Variants in HELZ2 observed in about 807,000 individuals in gnomAD.
HELZ2 encodes the protein helicase with zinc finger 2.
Under a neutral mutation model 208.8 loss-of-function variants are expected in HELZ2, and 143 were observed. That is an observed-to-expected ratio of 0.68 (90% CI 0.60 to 0.79). HELZ2 has a LOEUF of 0.79. Among genes scored for constraint, HELZ2 ranks in the 30% least tolerant of loss-of-function variants. HELZ2 has a pLI of 0.00. For synonymous variants in HELZ2, 1,705 were observed against 1,693.7 expected (o/e 1.01, Z -0.16); for missense variants, 3,690 against 3,794.5 (o/e 0.97, Z 0.72).
Position 63,560,097 on chromosome 20 carries a change from T to C in HELZ2, c.7658-2A>G, listed in dbSNP as rs1208173534. On this transcript the variant is annotated splice_acceptor_variant, in intron 17 of 18. Transcript: ENST00000467148. LOFTEE classifies it high-confidence loss of function. Reference sequence around the variant, plus strand: ...CCAGCACATAGCGCCACTCGCTCCCTGCGGGATGGGAGGTGAGGCCCTGCT... The same window carrying C: ...CCAGCACATAGCGCCACTCGCTCCCCGCGGGATGGGAGGTGAGGCCCTGCT... The C allele has an allele frequency of 1.9e-6, 3 of 1,589,308 alleles. No individual in the cohort carries two copies. Among genetic ancestry groups the C allele is most frequent in the East Asian group, 4.6e-5 (2 of 43,566 alleles).
At position 63,568,481 on chromosome 20, in the gene HELZ2, C is replaced by T. The variant is rs752537094; in HGVS notation, c.1607G>A (p.Arg536His). Residue 536 changes from arginine (R) to histidine (H), a missense_variant, in exon 5 of 19, where the codon CGT becomes CAT. Physicochemically the swap from Arg to His is conservative, Grantham distance 29. Transcript: ENST00000467148. Reference sequence around the variant, plus strand: ...GCCATAGATGAGTAGCGGGGGGACACGCCTCCCATCCCCAGGGCCCCAGCC... The same window carrying T: ...GCCATAGATGAGTAGCGGGGGGACATGCCTCCCATCCCCAGGGCCCCAGCC... 3.8e-5 allele frequency: 60 copies of T among 1,590,002 alleles called. No homozygotes were observed. In the East Asian group the frequency reaches 1.3e-3, roughly 34 times the overall value.
At chr20:63,563,782 G>A (rs374645950) in exon 8 of HELZ2, 63 of 1,604,290 alleles carry the variant, frequency 3.9e-5, no homozygotes, top group Middle Eastern at 1.6e-4. Flanking sequence ...GCAACACCAC[G>A]TCCAGGTACC....
intron 6 of HELZ2, 31 bp downstream of exon 7, chr20:63,566,813 T>A: frequency 6.4e-7 from 1 of 1,557,966 alleles, no homozygotes; most frequent in Non-Finnish European, 8.7e-7. Context: ...AGGGGTGCGG[T>A]CGGGGGCTGT....
intron 18 of HELZ2, 46 bp from the exon 20 acceptor site, chr20:63,559,416 A>G: frequency 6.8e-7 from 1 of 1,473,932 alleles, no homozygotes; most frequent in Non-Finnish European, 9.1e-7. Context: ...GTCAGGTGGG[A>G]GGAGTCAGGG....
downstream of HELZ2, chr20:63,559,117 C>T (rs1228105333): frequency 2.8e-6 from 3 of 1,060,658 alleles, no homozygotes; most frequent in East Asian, 2.7e-5. Context: ...CCACTTCCTG[C>T]CCCAGGGAGA....
At chr20:63,567,551 C>A in exon 6 of HELZ2, 15 of 1,579,918 alleles carry the variant, frequency 9.5e-6, no homozygotes, top group Non-Finnish European at 1.3e-5. Flanking sequence ...GTGTACATCA[C>A]ACGGAGAGGA....
chr20:63,569,318 C>T (rs764879827), exon 4 of HELZ2: 3 of 1,589,938 alleles, frequency 1.9e-6, no homozygotes, highest in South Asian at 1.1e-5. Flanking sequence ...CGGCCGTCCG[C>T]TCCACGCCAG....
At chr20:63,565,435 G>A (rs1569033527) in exon 8 of HELZ2, 1 of 1,610,374 alleles carries the variant, frequency 6.2e-7, no homozygotes, top group South Asian at 1.1e-5. Context: ...AGCAGTGGCG[G>A]TACCGCTCGG....
exon 14 of HELZ2, chr20:63,561,138 T>C: frequency 6.2e-7 from 1 of 1,613,034 alleles, no homozygotes; most frequent in Non-Finnish European, 8.5e-7. Flanking sequence ...TCCGTGGCCA[T>C]GCCTGCCTCG....
At chr20:63,560,647 C>T (rs1294560237) in exon 16 of HELZ2, 1 of 1,610,358 alleles carries the variant, frequency 6.2e-7, no homozygotes, top group Admixed American at 1.7e-5. Context: ...GCCACGTCTT[C>T]AGCTTGCTCT....
chr20:63,561,984 C>T (rs1219079957), exon 11 of HELZ2: 6 of 1,592,670 alleles, frequency 3.8e-6, no homozygotes, highest in Non-Finnish European at 5.1e-6. Flanking sequence ...CTTCCCTGTA[C>T]CTGCAGCCAG....
At chr20:63,561,926 C>T in exon 11 of HELZ2, 1 of 1,598,986 alleles carries the variant, frequency 6.3e-7, no homozygotes, top group South Asian at 1.1e-5. Context: ...GCACCTGCTC[C>T]TGGTTTGATT....
rs746774540 is a variant in HELZ2, at chr20:63,561,072, G to A, written c.7146+10C>T. The A allele has an allele frequency of 1.6e-5, 25 of 1,606,436 alleles. No individual in the cohort carries two copies. In the Middle Eastern group the frequency reaches 8.3e-4, roughly 53 times the overall value. On this transcript the variant is annotated intron_variant, in intron 14 of 18. Transcript: ENST00000467148. ...CCTGCTCATGCTGCCCACACCCCCC[G>A]CCGACCAACCTTCTCGGCCTGTGGG...
At chr20:63,561,138 T>A (rs1419891988) in exon 14 of HELZ2, 6 of 1,613,034 alleles carry the variant, frequency 3.7e-6, no homozygotes, top group Non-Finnish European at 5.1e-6. Flanking sequence ...TCCGTGGCCA[T>A]GCCTGCCTCG....
intron 2 of HELZ2, 36 bp from the exon 4 acceptor site, chr20:63,570,647 A>ACGCC: frequency 2.3e-5 from 35 of 1,497,328 alleles, no homozygotes; most frequent in Middle Eastern, 1.8e-4. Flanking sequence ...AGAGGCCTGG[A>ACGCC]CCCCACCCCA....
At chr20:63,564,709 G>A in exon 8 of HELZ2, 1 of 1,607,650 alleles carries the variant, frequency 6.2e-7, no homozygotes, top group Non-Finnish European at 8.5e-7. Flanking sequence ...CATCAGTGAT[G>A]TGCACAGCCA....
At chr20:63,573,479 T>C (rs2083032516), upstream of HELZ2, among the ~76,000 whole-genome samples, 1 of 151,604 alleles carries the variant, frequency 6.6e-6, no homozygotes, top group South Asian at 2.1e-4. The surrounding 1 kb of genome is among the most constrained non-coding windows in gnomAD (Gnocchi z 4.9). Flanking sequence ...TCCTGAAGGG[T>C]CTCAGGCCCC....
chr20:63,565,208 A>T, exon 8 of HELZ2: 3 of 1,608,526 alleles, frequency 1.9e-6, no homozygotes, highest in Non-Finnish European at 2.5e-6. Context: ...CATGCGGCAC[A>T]CAAACGCCAG....
rs552449634 is a variant in HELZ2 at position 63,570,385 on chromosome 20, G to A, written c.570+119C>T. 30 of 808,572 alleles carry A rather than the reference G, an allele frequency of 3.7e-5. No individual in the cohort carries two copies. In the African/African-American group the frequency reaches 4.6e-4, roughly 12 times the overall value. 50.1% of individuals were successfully genotyped at this position (808,572 alleles called of 1,614,324 possible). On this transcript the variant is annotated intron_variant, in intron 3 of 18. Transcript: ENST00000467148. ...AAGGGACCTGCTGCAGGTCACGCAG[G>A]TGCTGAGCGGCAGTGCCTCGGTATT...
Sources: gnomAD v4.1 joint callset for allele counts (sites outside exome capture counted in the v4.1 genomes callset) on GRCh38, gnomAD v4.1.1 for gene constraint, Gnocchi (gnomAD v3.1) non-coding constraint, MANE v1.5 for transcripts, NCBI Gene and HGNC (gene_info 2026-07-23, HGNC 2026-07-21) for gene names.